The following OSBPL8 variants were observed in gnomAD, a reference collection of about 807,000 sequenced individuals.
OSBPL8 encodes oxysterol binding protein like 8, also known as oxysterol-binding protein-related protein 8.
OSBPL8 carries 59 observed loss-of-function variants against 125.5 expected under a neutral mutation model. The observed-to-expected ratio is 0.47, with a 90% CI of 0.38 to 0.58. The LOEUF (loss-of-function observed/expected upper bound fraction) is 0.58, where lower values mean the gene tolerates loss of function less well. Among genes scored for constraint, OSBPL8 ranks in the 20% least tolerant of loss-of-function variants. The pLI, the probability that OSBPL8 is intolerant of heterozygous loss-of-function variation, is 0.00. For missense variants in OSBPL8, 758 were observed against 1,047.8 expected (o/e 0.72, Z 3.82); for synonymous variants, 330 against 338.9 (o/e 0.97, Z 0.29).
At chr12:76,497,551 ATG>A (rs1187498248) in intron 1 of OSBPL8, among the ~76,000 whole-genome samples, 1 of 152,186 alleles carries the variant, frequency 6.6e-6, no homozygotes, top group Admixed American at 6.5e-5. Flanking sequence ...TTTGCTCAGC[ATG>A]TGTCTCACTA....
intron 3 of OSBPL8, among the ~76,000 whole-genome samples, chr12:76,453,016 G>A (rs1873602618): frequency 2.0e-5 from 3 of 150,590 alleles, no homozygotes; most frequent in Admixed American, 1.3e-4. Flanking sequence ...TTTTTTTTAG[G>A]GTTAGTACCC....
intron 4 of OSBPL8, among the ~76,000 whole-genome samples, chr12:76,419,827 A>G (rs1469565373): frequency 6.6e-6 from 1 of 152,224 alleles, no homozygotes; most frequent in African/African-American, 2.4e-5. Context: ...TAATAATTCC[A>G]GTGAATATAA....
At chr12:76,441,152 A>T (rs1190534848) in intron 4 of OSBPL8, among the ~76,000 whole-genome samples, 1 of 152,158 alleles carries the variant, frequency 6.6e-6, no homozygotes, top group Non-Finnish European at 1.5e-5. Flanking sequence ...TCATCTTTGC[A>T]CTTGCTTTCT....
intron 4 of OSBPL8, among the ~76,000 whole-genome samples, chr12:76,435,695 T>A (rs532158233): frequency 3.3e-5 from 5 of 152,078 alleles, no homozygotes; most frequent in African/African-American, 9.6e-5. Flanking sequence ...AATAAAAAGA[T>A]CGTTCCAGGC....
rs1952530186 is a variant in OSBPL8, at chr12:76,369,301, A to G, written c.2241T>C (p.Asp747=). The G allele has an allele frequency of 6.3e-7, 1 of 1,575,154 alleles. No individual in the cohort carries two copies. Among genetic ancestry groups the G allele is most frequent in the Non-Finnish European group, 8.6e-7 (1 of 1,167,904 alleles). The change falls in exon 21 of 24, where the codon GAT becomes GAC. Residue 747 remains aspartate, a splice_region_variant and synonymous_variant. Transcript: ENST00000261183. ...CATTAAGTGGGTCCCATGGTCGGGT[A>G]CTACATAAATGAAAAAAAAAAAAAC... ...LTGEWHYKFA[D]TRPWDPLNDM...
chr12:76,358,473 C>T lies in OSBPL8; in HGVS notation c.2434+233G>A, dbSNP rs146257490. ...CTGGGATTACAGGCATGAGCCACCA[C>T]ACCCTGCCTAGAGTGTGGTTTTTAT... is the stretch of plus-strand genomic sequence containing the variant. On this transcript the variant is annotated intron_variant, in intron 22 of 23. Transcript: ENST00000261183. Among the ~76,000 whole-genome samples, 406 of 152,156 alleles carry T rather than the reference C, an allele frequency of 2.7e-3. 2 individuals are homozygous for T. Among genetic ancestry groups the T allele is most frequent in the African/African-American group, 9.5e-3 (395 of 41,512 alleles).
In OSBPL8 at chr12:76,442,468, T is replaced by A. The variant is rs138672151; in HGVS notation, c.217+8383A>T. Among the ~76,000 whole-genome samples the A allele has an allele frequency of 8.0e-3, 1,225 of 152,272 alleles. 32 individuals are homozygous for A. Among genetic ancestry groups the A allele is most frequent in the Non-Finnish European group, 8.3e-3 (564 of 68,010 alleles). ...AAACAACCTATTTTTAAACATAACT[T>A]GAAATCTAAATTACAGATATTTAAT... On this transcript the variant is annotated intron_variant, in intron 4 of 23. Transcript: ENST00000261183.
At chr12:76,410,861 T>A (rs1175234051) in intron 4 of OSBPL8, among the ~76,000 whole-genome samples, 1 of 152,160 alleles carries the variant, frequency 6.6e-6, no homozygotes, top group Non-Finnish European at 1.5e-5. Flanking sequence ...GTGAAATATC[T>A]CTTCTTTGCT....
chr12:76,470,292 C>A (rs1057399536), intron 2 of OSBPL8, among the ~76,000 whole-genome samples: 5 of 152,176 alleles, frequency 3.3e-5, no homozygotes, highest in African/African-American at 1.2e-4. Flanking sequence ...TAACCTTGAG[C>A]TTTGACTTCA....
chr12:76,447,124 T>C lies in OSBPL8; in HGVS notation c.217+3727A>G, dbSNP rs201920234. ...TTCAACTCCTAATATTGTAACTGAT[T>C]CAGTTAATGATCATCAAAGGATTCA... is the stretch of plus-strand genomic sequence containing the variant. On this transcript the variant is annotated intron_variant, in intron 4 of 23. Transcript: ENST00000261183. Among the ~76,000 whole-genome samples the C allele has an allele frequency of 3.9e-5, 6 of 152,344 alleles. No homozygotes were observed. The East Asian group carries it at 1.2e-3, about 29-fold the overall frequency.
intron 12 of OSBPL8, 37 bp from the exon 13 acceptor site, chr12:76,386,697 T>C: frequency 7.0e-7 from 1 of 1,438,668 alleles, no homozygotes; most frequent in African/African-American, 1.4e-5. Context: ...TTTTAAAAAA[T>C]GTATCACAAA....
At chr12:76,481,625 G>GT (rs1877504204) in intron 2 of OSBPL8, among the ~76,000 whole-genome samples, 2 of 152,076 alleles carry the variant, frequency 1.3e-5, no homozygotes, top group South Asian at 4.2e-4. Context: ...GCAAGACCCT[G>GT]TCTCTGCCAA....
intron 21 of OSBPL8, among the ~76,000 whole-genome samples, chr12:76,367,656 TTGTGTTTGCTTCC>T (rs1002496262): frequency 5.2e-4 from 79 of 152,342 alleles, no homozygotes; most frequent in Admixed American, 1.9e-3. Context: ...CTGCCTGCTT[TTGTGTTTGCTTCC>T]TGTGTAAACT....
intron 1 of OSBPL8, among the ~76,000 whole-genome samples, chr12:76,533,382 GCTC>G (rs1291720820): frequency 6.6e-6 from 1 of 152,106 alleles, no homozygotes; most frequent in Non-Finnish European, 1.5e-5. Context: ...CTTCTCTGGA[GCTC>G]CTGCTTCATT....
At chr12:76,421,721 A>G (rs567085074) in intron 4 of OSBPL8, among the ~76,000 whole-genome samples, 1 of 152,154 alleles carries the variant, frequency 6.6e-6, no homozygotes, top group South Asian at 2.1e-4. Flanking sequence ...ATATAACCCT[A>G]AAAGAGTAGA....
intron 4 of OSBPL8, among the ~76,000 whole-genome samples, chr12:76,412,515 C>CTA (rs1868271889): frequency 6.6e-6 from 1 of 152,098 alleles, no homozygotes; most frequent in African/African-American, 2.4e-5. Context: ...GCCACCTAGT[C>CTA]TATATCCCTT....
At chr12:76,518,580 G>C (rs1483363935) in intron 1 of OSBPL8, among the ~76,000 whole-genome samples, 2 of 152,220 alleles carry the variant, frequency 1.3e-5, no homozygotes, top group African/African-American at 2.4e-5. Context: ...CACTGCCCTA[G>C]TAGAGGTTCT....
intron 2 of OSBPL8, among the ~76,000 whole-genome samples, chr12:76,474,242 C>T (rs1267500953): frequency 6.6e-6 from 1 of 152,082 alleles, no homozygotes; most frequent in African/African-American, 2.4e-5. Context: ...CAAATCTCCA[C>T]TTGTCTGTCT....
At chr12:76,509,426 G>A (rs565242741) in intron 1 of OSBPL8, among the ~76,000 whole-genome samples, 1 of 151,268 alleles carries the variant, frequency 6.6e-6, no homozygotes, top group South Asian at 2.1e-4. Flanking sequence ...TTATATACAT[G>A]TGACAATTTC....
Sources: gnomAD v4.1 joint callset for allele counts (sites outside exome capture counted in the v4.1 genomes callset) on GRCh38, gnomAD v4.1.1 for gene constraint, MANE v1.5 for transcripts, NCBI Gene and HGNC (gene_info 2026-07-23, HGNC 2026-07-21) for gene names.